WDFY4: variants seen among roughly 807,000 people sequenced by gnomAD.
WDFY4 encodes WDFY family member 4.
In WDFY4, 169 loss-of-function variants were observed where a neutral mutation model predicts 351.9. The ratio of observed to expected loss-of-function variants is 0.48; its 90% CI spans 0.42 to 0.55. The LOEUF is 0.55. Among genes scored for constraint, WDFY4 ranks in the 20% least tolerant of loss-of-function variants. The pLI, the probability that WDFY4 is intolerant of heterozygous loss-of-function variation, is 0.00. For missense variants in WDFY4, 3,803 were observed against 3,935.6 expected (o/e 0.97, Z 0.90); for synonymous variants, 1,622 against 1,574.6 (o/e 1.03, Z -0.71).
At chr10:48,946,793 G>A in intron 50 of WDFY4, 67 bp from the exon 51 acceptor site, 1 of 1,164,654 alleles carries the variant, frequency 8.6e-7, no homozygotes, top group Non-Finnish European at 1.3e-6. Context: ...ACACAGTGTA[G>A]CACACATATC....
rs1382322188 is a variant in WDFY4, at chr10:48,725,870, T to C, written c.592-11T>C. The C allele has an allele frequency of 1.3e-6, 2 of 1,533,252 alleles. No homozygotes were observed. The highest frequency in any genetic ancestry group is 1.4e-5 in the African/African-American group (1 of 72,766). 95.0% of individuals were successfully genotyped at this position (1,533,252 alleles called of 1,614,324 possible). ...CAGGTCTCCTTGACTGTTTATCTTC[T>C]TATTTTTCAGATGTTGCTCAATATT... On this transcript the variant is annotated splice_polypyrimidine_tract_variant and intron_variant, in intron 5 of 61. Coordinates refer to ENST00000325239, the MANE Select transcript of WDFY4 (RefSeq NM_001394531.1).
In WDFY4 at chr10:48,821,193, G is replaced by C; in HGVS notation, c.5824+17G>C. ...TGTTCAGAGGTGAGTGGGGCAACTC[G>C]GTCCCCTCCATTCATGACATGAGGC... is the stretch of plus-strand genomic sequence containing the variant. On this transcript the variant is annotated intron_variant, in intron 34 of 61. Transcript: ENST00000325239. The C allele has an allele frequency of 6.5e-7, 1 of 1,532,992 alleles. No homozygotes were observed. The highest frequency in any genetic ancestry group is 8.8e-7 in the Non-Finnish European group (1 of 1,130,294). The allele number at this position is 1,532,992 out of a possible 1,614,324, so 95.0% of individuals were successfully genotyped here. A position where few individuals can be genotyped will look rare whatever the true frequency, so the allele number is the denominator to read the frequency against.
chr10:48,934,271 C>A (rs776486559), intron 47 of WDFY4, among the ~76,000 whole-genome samples: 2 of 152,224 alleles, frequency 1.3e-5, no homozygotes, highest in East Asian at 3.8e-4. Flanking sequence ...AAAGACACTA[C>A]CTACTTTTTA....
Position 48,875,074 on chromosome 10 carries a change from A to G in WDFY4, c.6949-15A>G. On this transcript the variant is annotated splice_polypyrimidine_tract_variant and intron_variant, in intron 41 of 61. Transcript: ENST00000325239. Reference sequence around the variant, plus strand: ...ATCCAGGATTTAATTTTTCTTTTCAATGTCCTTATTTCAGGAAAGCCAAGA... The same window carrying G: ...ATCCAGGATTTAATTTTTCTTTTCAGTGTCCTTATTTCAGGAAAGCCAAGA... The G allele has an allele frequency of 1.4e-6, 2 of 1,466,342 alleles. No homozygotes were observed. The highest frequency in any genetic ancestry group is 1.8e-6 in the Non-Finnish European group (2 of 1,103,352). 90.8% of individuals were successfully genotyped at this position (1,466,342 alleles called of 1,614,324 possible). A position where few individuals can be genotyped will look rare whatever the true frequency, so the allele number is the denominator to read the frequency against.
chr10:48,872,718 T>C (rs2069831106), intron 40 of WDFY4, among the ~76,000 whole-genome samples: 1 of 152,148 alleles, frequency 6.6e-6, no homozygotes, highest in Non-Finnish European at 1.5e-5. Flanking sequence ...AGGTTGGGGG[T>C]ATCTATGTAT....
At chr10:48,885,836 C>G (rs1349248819) in intron 43 of WDFY4, among the ~76,000 whole-genome samples, 5 of 152,060 alleles carry the variant, frequency 3.3e-5, no homozygotes, top group Admixed American at 3.3e-4. Context: ...GACGAATTCT[C>G]TGTCTAAATA....
At chr10:48,834,352 A>G (rs182750505) in intron 39 of WDFY4, among the ~76,000 whole-genome samples, 20 of 152,314 alleles carry the variant, frequency 1.3e-4, no homozygotes, top group Admixed American at 4.6e-4. Context: ...GCTGCTGAGG[A>G]GGACCTTAGG....
chr10:48,979,346 A>T (rs959885835), intron 60 of WDFY4, among the ~76,000 whole-genome samples: 6 of 152,116 alleles, frequency 3.9e-5, no homozygotes, highest in Admixed American at 6.6e-5. Context: ...TCCCTCCCAT[A>T]TCTGCTTCCA....
chr10:48,790,064 G>C, intron 22 of WDFY4, 79 bp downstream of exon 22: 1 of 1,396,768 alleles, frequency 7.2e-7, no homozygotes, highest in Non-Finnish European at 9.9e-7. Context: ...CTGGAGTTCT[G>C]GAGTGGTGGA....
chr10:48,826,031 A>G (rs1226360061), intron 35 of WDFY4, among the ~76,000 whole-genome samples: 4 of 152,148 alleles, frequency 2.6e-5, no homozygotes, highest in Admixed American at 2.0e-4. Context: ...ATCTTTGCCT[A>G]TGCCTATGTC....
intron 35 of WDFY4, among the ~76,000 whole-genome samples, chr10:48,822,851 C>T (rs1390530124): frequency 2.6e-5 from 4 of 152,182 alleles, no homozygotes; most frequent in Non-Finnish European, 4.4e-5. Context: ...GTTGGTTTGA[C>T]CTTAATTGTT....
intron 44 of WDFY4, among the ~76,000 whole-genome samples, chr10:48,893,181 G>A (rs1352558347): frequency 1.3e-5 from 2 of 152,202 alleles, no homozygotes; most frequent in East Asian, 3.8e-4. Flanking sequence ...TGGTCATCTT[G>A]TCCCTGTATC....
intron 39 of WDFY4, among the ~76,000 whole-genome samples, chr10:48,841,289 CTTTGTGCTTTTTTCTTATTTGATCAT>C (rs1259132414): frequency 5.3e-5 from 8 of 152,020 alleles, no homozygotes; most frequent in East Asian, 1.9e-4. Flanking sequence ...TGTTACTGCA[CTTTGTGCTTTTTTCTTATTTGATCAT>C]TTTGTGCTTT....
intron 42 of WDFY4, among the ~76,000 whole-genome samples, chr10:48,876,068 G>A (rs1484413498): frequency 6.6e-6 from 1 of 152,190 alleles, no homozygotes; most frequent in East Asian, 1.9e-4. Context: ...TTGACATGCA[G>A]AGCCCCTGGG....
chr10:48,817,705 G>C (rs1049628932), intron 32 of WDFY4, among the ~76,000 whole-genome samples: 2 of 152,226 alleles, frequency 1.3e-5, no homozygotes, highest in Non-Finnish European at 2.9e-5. Flanking sequence ...ACTGACAAGG[G>C]GAGACAGTGA....
rs147046228 is a variant in WDFY4 at position 48,691,928 on chromosome 10, A to G, written c.-18+6927A>G. Among the ~76,000 whole-genome samples, 98 of 152,338 alleles carry G rather than the reference A, an allele frequency of 6.4e-4. 2 individuals carry two copies. In the East Asian group the frequency reaches 0.016, roughly 25 times the overall value. On this transcript the variant is annotated intron_variant, in intron 1 of 61. Coordinates refer to ENST00000325239, the MANE Select transcript of WDFY4 (RefSeq NM_001394531.1). ...AGAAGGCTGCAGGGTGGCAGATGCT[A>G]TAACAGAGGCAGGGTCGAGCACCCC...
At chr10:48,823,246 C>G in intron 35 of WDFY4, 1 of 1,301,856 alleles carries the variant, frequency 7.7e-7, no homozygotes, top group Non-Finnish European at 1.0e-6. Flanking sequence ...TTGCTCAAAC[C>G]CTCCCTGTGA....
chr10:48,973,909 G>A (rs758013791), intron 57 of WDFY4, among the ~76,000 whole-genome samples: 2 of 152,160 alleles, frequency 1.3e-5, no homozygotes, highest in Non-Finnish European at 2.9e-5. Flanking sequence ...AGACCTATCA[G>A]ACTCGAAAAG....
intron 57 of WDFY4, among the ~76,000 whole-genome samples, chr10:48,974,519 A>AAAAAAAAAAAACAAC (rs1352344126): frequency 0.62 from 30,921 of 49,792 alleles, 12,166 homozygotes; most frequent in Non-Finnish European, 0.74. Flanking sequence ...AAAAAAAAAA[A>AAAAAAAAAAAACAAC]AAAAAAAAAA....
Sources: gnomAD v4.1 joint callset for allele counts (sites outside exome capture counted in the v4.1 genomes callset) on GRCh38, gnomAD v4.1.1 for gene constraint, MANE v1.5 for transcripts, NCBI Gene and HGNC (gene_info 2026-07-23, HGNC 2026-07-21) for gene names.